Variants in KLHL24 observed in about 807,000 individuals in gnomAD.
The protein encoded by KLHL24 is kelch-like protein 24.
A neutral mutation model predicts 53.4 loss-of-function variants in KLHL24; 29 were observed. That is an observed-to-expected ratio of 0.54 (90% CI 0.40 to 0.74). The LOEUF (loss-of-function observed/expected upper bound fraction) is 0.74, where lower values mean the gene tolerates loss of function less well. Ranked by LOEUF, KLHL24 falls within the 30% of genes least tolerant of loss-of-function variation. KLHL24 has a pLI of 0.00. For missense variants in KLHL24, 504 were observed against 744.0 expected (o/e 0.68, Z 3.75); for synonymous variants, 222 against 253.7 (o/e 0.88, Z 1.19).
intron 2 of KLHL24, among the ~76,000 whole-genome samples, chr3:183,649,523 TA>T (rs71750006): frequency 0.058 from 7,992 of 138,616 alleles, 581 homozygotes; most frequent in African/African-American, 0.18. Flanking sequence ...GAGAGAGTGC[TA>T]AAAAAAAAAA....
intron 3 of KLHL24, among the ~76,000 whole-genome samples, chr3:183,652,606 A>G (rs1214836090): frequency 1.3e-5 from 2 of 152,184 alleles, no homozygotes; most frequent in African/African-American, 2.4e-5. Context: ...TGAATTTACT[A>G]TAGCATAGCT....
intron 3 of KLHL24, among the ~76,000 whole-genome samples, chr3:183,657,233 G>A (rs1333071143): frequency 6.6e-6 from 1 of 152,118 alleles, no homozygotes; most frequent in Admixed American, 6.5e-5. Flanking sequence ...AACAAGGATG[G>A]CACTAAACTG....
intron 7 of KLHL24, among the ~76,000 whole-genome samples, chr3:183,673,442 C>T (rs1721637924): frequency 6.6e-6 from 1 of 151,708 alleles, no homozygotes; most frequent in African/African-American, 2.4e-5. Flanking sequence ...TTTATCCCCT[C>T]TCTTTCATAT....
rs73174076 is a variant in KLHL24 at position 183,682,961 on chromosome 3, G to C, written c.*3675G>C. The C allele has an allele frequency of 1.3e-5, 2 of 150,084 alleles. No homozygotes were observed. Among genetic ancestry groups the C allele is most frequent in the Admixed American group, 6.7e-5 (1 of 14,962 alleles). 9.3% of individuals were successfully genotyped at this position (150,084 alleles called of 1,614,324 possible). On this transcript the variant is annotated 3_prime_UTR_variant, in exon 8 of 8. Transcript: ENST00000242810. ...CGTTTTTTTTTTTTTTTGGGGAAGG[G>C]GGGAGAACGGGGTCTTGCTCTGTCG...
rs918320082 is a variant in KLHL24 at position 183,681,804 on chromosome 3, C to T, written c.*2518C>T. On this transcript the variant is annotated 3_prime_UTR_variant, in exon 8 of 8. Transcript: ENST00000242810. Reference sequence around the variant, plus strand: ...TAATATATCAAAAGGGGTATATCAACCAAATTGGTGTCAGATTGTATTCAT... The same window carrying T: ...TAATATATCAAAAGGGGTATATCAATCAAATTGGTGTCAGATTGTATTCAT... 3 of 152,470 alleles carry T rather than the reference C, an allele frequency of 2.0e-5. No individual in the cohort carries two copies. 9.4% of individuals were successfully genotyped at this position (152,470 alleles called of 1,614,324 possible).
chr3:183,637,296 A>C (rs1253456315), intron 1 of KLHL24, among the ~76,000 whole-genome samples: 1 of 152,240 alleles, frequency 6.6e-6, no homozygotes, highest in Non-Finnish European at 1.5e-5. Context: ...GCTGAGATTT[A>C]AAAGCAGATT....
intron 5 of KLHL24, 36 bp downstream of exon 5, chr3:183,665,075 C>T: frequency 1.8e-6 from 2 of 1,095,694 alleles, no homozygotes; most frequent in Non-Finnish European, 2.8e-6. Flanking sequence ...ATTGCTGGTA[C>T]CTTTCCAAAG....
chr3:183,647,924 T>C (rs1218363834), intron 2 of KLHL24, among the ~76,000 whole-genome samples: 1 of 152,128 alleles, frequency 6.6e-6, no homozygotes, highest in Non-Finnish European at 1.5e-5. Flanking sequence ...GAAAATCGCT[T>C]GAACCCGGGA....
rs1372562873 is a variant in KLHL24 at position 183,682,409 on chromosome 3, C to A, written c.*3123C>A. ...TACTAGTGTATTGGATCTTCAGTAA[C>A]CTTTTTATTTCCTAGATGATTGAAA... On this transcript the variant is annotated 3_prime_UTR_variant, in exon 8 of 8. Transcript: ENST00000242810. The A allele has an allele frequency of 1.3e-5, 2 of 152,470 alleles. No homozygotes were observed. Among genetic ancestry groups the A allele is most frequent in the Non-Finnish European group, 2.9e-5 (2 of 68,002 alleles). The allele number at this position is 152,470 out of a possible 1,614,324, so 9.4% of individuals were successfully genotyped here.
Position 183,679,070 on chromosome 3 carries a change from A to C in KLHL24, c.1603-16A>C. 3.1e-6 allele frequency: 5 copies of C among 1,596,206 alleles called. No individual in the cohort carries two copies. The highest frequency in any genetic ancestry group is 4.3e-6 in the Non-Finnish European group (5 of 1,164,160). On this transcript the variant is annotated splice_polypyrimidine_tract_variant and intron_variant, in intron 7 of 7. Coordinates refer to ENST00000242810, the MANE Select transcript of KLHL24 (RefSeq NM_017644.3). ...CTTCAATGGTTAATTTTTTGTTTAT[A>C]TATTTGGTTAAACAGGAAAACTGTG...
At chr3:183,637,439 G>A (rs1406872567) in intron 1 of KLHL24, among the ~76,000 whole-genome samples, 4 of 152,164 alleles carry the variant, frequency 2.6e-5, no homozygotes, top group Non-Finnish European at 4.4e-5. Flanking sequence ...AATTCCCGTG[G>A]TAATTCAAAA....
intron 7 of KLHL24, among the ~76,000 whole-genome samples, chr3:183,676,372 A>G (rs1005225113): frequency 4.6e-5 from 7 of 152,252 alleles, no homozygotes; most frequent in African/African-American, 1.7e-4. Flanking sequence ...CTGGGATTAC[A>G]GGCATGAGCC....
At chr3:183,640,024 CAATA>C (rs967421771) in intron 1 of KLHL24, among the ~76,000 whole-genome samples, 2 of 152,112 alleles carry the variant, frequency 1.3e-5, no homozygotes, top group Non-Finnish European at 2.9e-5. Flanking sequence ...GACTCCATCT[CAATA>C]AATAAATAAC....
chr3:183,649,021 CAGAG>C (rs1188558768), intron 2 of KLHL24, among the ~76,000 whole-genome samples: 1 of 151,532 alleles, frequency 6.6e-6, no homozygotes, highest in Non-Finnish European at 1.5e-5. Flanking sequence ...AAAAGAGACA[CAGAG>C]AGAGAATTGA....
chr3:183,662,155 A>G (rs1719890503), intron 3 of KLHL24, among the ~76,000 whole-genome samples: 1 of 152,168 alleles, frequency 6.6e-6, no homozygotes, highest in African/African-American at 2.4e-5. Flanking sequence ...TCCTAAAAGT[A>G]CTTTTGTTTG....
rs944250800 is a variant in KLHL24 at position 183,683,530 on chromosome 3, C to G, written c.*4244C>G. On this transcript the variant is annotated 3_prime_UTR_variant, in exon 8 of 8. Transcript: ENST00000242810. The stretch of plus-strand genomic sequence containing the variant: ...TAGCTAGCTATCATTATTGTCACAT[C>G]TAATGCTAGGCACCAGAAACCATTT... 2 of 152,612 alleles carry G rather than the reference C, an allele frequency of 1.3e-5. No homozygotes were observed. Among genetic ancestry groups the G allele is most frequent in the African/African-American group, 4.8e-5 (2 of 41,446 alleles). 9.5% of individuals were successfully genotyped at this position (152,612 alleles called of 1,614,324 possible). A position where few individuals can be genotyped will look rare whatever the true frequency, so the allele number is the denominator to read the frequency against.
At position 183,643,561 on chromosome 3, in the gene KLHL24, T is replaced by C. The variant is rs2108771163; in HGVS notation, c.-62+19T>C. On this transcript the variant is annotated intron_variant, in intron 2 of 7. Coordinates refer to ENST00000242810, the MANE Select transcript of KLHL24 (RefSeq NM_017644.3). ...TAAAAAGGTATATTTGTAATATTTA[T>C]AAACTATCTAAATGTTGTTATTAGA... The C allele has an allele frequency of 6.6e-6, 1 of 152,352 alleles. No individual in the cohort carries two copies. Among genetic ancestry groups the C allele is most frequent in the Non-Finnish European group, 1.5e-5 (1 of 68,038 alleles). The allele number at this position is 152,352 out of a possible 1,614,324, so 9.4% of individuals were successfully genotyped here.
intron 7 of KLHL24, among the ~76,000 whole-genome samples, chr3:183,673,265 A>G (rs1258620999): frequency 2.0e-5 from 3 of 152,124 alleles, no homozygotes; most frequent in Non-Finnish European, 4.4e-5. Flanking sequence ...TATTTTATAT[A>G]TTTTTCAAAA....
chr3:183,639,852 A>C (rs562844963), intron 1 of KLHL24, among the ~76,000 whole-genome samples: 9 of 145,610 alleles, frequency 6.2e-5, no homozygotes, highest in Admixed American at 2.0e-4. Context: ...TAAAAACCAA[A>C]CAAACAAACA....
Sources: gnomAD v4.1 joint callset for allele counts (sites outside exome capture counted in the v4.1 genomes callset) on GRCh38, gnomAD v4.1.1 for gene constraint, MANE v1.5 for transcripts, NCBI Gene and HGNC (gene_info 2026-07-23, HGNC 2026-07-21) for gene names.